The following DCC variants were observed in gnomAD, a reference collection of about 807,000 sequenced individuals.
DCC encodes DCC netrin 1 receptor.
Under a neutral mutation model 172.5 loss-of-function variants are expected in DCC, and 58 were observed. The ratio of observed to expected loss-of-function variants is 0.34; its 90% CI spans 0.27 to 0.42. The LOEUF (loss-of-function observed/expected upper bound fraction) is 0.42, where lower values mean the gene tolerates loss of function less well. Ranked by LOEUF, DCC falls within the 10% of genes least tolerant of loss-of-function variation. DCC has a pLI of 1.00. For missense variants in DCC, 1,740 were observed against 1,791.0 expected, an observed-to-expected ratio of 0.97 and a Z score of 0.51; for synonymous variants, 709 against 644.5, an observed-to-expected ratio of 1.10 and a Z score of -1.52.
At chr18:53,170,584 C>G (rs939416091) in intron 8 of DCC, among the ~76,000 whole-genome samples, 3 of 152,124 alleles carry the variant, frequency 2.0e-5, no homozygotes, top group African/African-American at 7.2e-5. Flanking sequence ...AGATTTATTT[C>G]TTATGAAGTT....
At chr18:52,699,721 G>A (rs1462759993) in intron 1 of DCC, among the ~76,000 whole-genome samples, 1 of 152,086 alleles carries the variant, frequency 6.6e-6, no homozygotes, top group Non-Finnish European at 1.5e-5. Flanking sequence ...TTTAACTTTT[G>A]TTACTTTGTA....
chr18:53,438,527 T>A (rs8095430), intron 22 of DCC, among the ~76,000 whole-genome samples: 129,680 of 152,228 alleles, frequency 0.85, 55,548 homozygotes, highest in Non-Finnish European at 0.88. Flanking sequence ...TATGCACCCC[T>A]AGGTATACAT....
intron 1 of DCC, among the ~76,000 whole-genome samples, chr18:52,415,965 A>C (rs976447589): frequency 1.3e-5 from 2 of 151,882 alleles, no homozygotes; most frequent in East Asian, 1.9e-4. Context: ...TTGTGATGTT[A>C]GGGTGTCAAT....
chr18:52,675,890 G>T (rs1054763760), intron 1 of DCC, among the ~76,000 whole-genome samples: 7 of 152,256 alleles, frequency 4.6e-5, no homozygotes, highest in African/African-American at 1.7e-4. Flanking sequence ...ACTAGAATAG[G>T]ATTCATTGGC....
At chr18:53,237,244 A>G (rs1035479587) in intron 12 of DCC, 3 of 154,168 alleles carry the variant, frequency 1.9e-5, no homozygotes, top group African/African-American at 7.2e-5. Flanking sequence ...ATAGAAGAAC[A>G]TTATGCTAAA....
intron 1 of DCC, among the ~76,000 whole-genome samples, chr18:52,631,050 G>C (rs1357470114): frequency 6.6e-6 from 1 of 152,154 alleles, no homozygotes; most frequent in African/African-American, 2.4e-5. Flanking sequence ...TAGCATCTTA[G>C]GTCATCAGCC....
At chr18:53,290,961 G>C (rs1277872826) in intron 12 of DCC, among the ~76,000 whole-genome samples, 2 of 152,128 alleles carry the variant, frequency 1.3e-5, no homozygotes, top group Non-Finnish European at 2.9e-5. Context: ...GAGGTCAGGA[G>C]TTCAAGAATA....
chr18:52,563,994 T>G (rs900089492), intron 1 of DCC, among the ~76,000 whole-genome samples: 1 of 152,150 alleles, frequency 6.6e-6, no homozygotes, highest in South Asian at 2.1e-4. Context: ...AATATAGCAT[T>G]CCTAATAGTA....
At chr18:52,622,295 T>C (rs1188296687) in intron 1 of DCC, among the ~76,000 whole-genome samples, 5 of 152,184 alleles carry the variant, frequency 3.3e-5, no homozygotes, top group Non-Finnish European at 7.4e-5. Context: ...CTAAGAGGCA[T>C]AGAAGTTTCT....
intron 5 of DCC, among the ~76,000 whole-genome samples, chr18:52,962,703 C>G (rs1370068799): frequency 6.6e-6 from 1 of 151,686 alleles, no homozygotes; most frequent in South Asian, 2.1e-4. Flanking sequence ...TTGGAACCAA[C>G]CCAAATGTCC....
At chr18:52,383,074 C>T (rs1440596304) in intron 1 of DCC, among the ~76,000 whole-genome samples, 2 of 152,088 alleles carry the variant, frequency 1.3e-5, no homozygotes, top group East Asian at 1.9e-4. Context: ...CCATTACACA[C>T]GATGCTAGGA....
At chr18:53,119,874 C>T (rs2043459153) in intron 7 of DCC, among the ~76,000 whole-genome samples, 1 of 151,842 alleles carries the variant, frequency 6.6e-6, no homozygotes. Flanking sequence ...CTATATTCTA[C>T]ACATCTTGGA....
intron 7 of DCC, among the ~76,000 whole-genome samples, chr18:53,127,764 C>A (rs1381485584): frequency 6.6e-6 from 1 of 152,142 alleles, no homozygotes; most frequent in Non-Finnish European, 1.5e-5. Context: ...CCAGAGTCAG[C>A]TCACAAGCTG....
chr18:53,106,916 C>T (rs2144236928), intron 7 of DCC, among the ~76,000 whole-genome samples: 1 of 151,940 alleles, frequency 6.6e-6, no homozygotes, highest in East Asian at 1.9e-4. Flanking sequence ...TACTGTTTTC[C>T]ACAAGAATCT....
chr18:52,363,455 G>T (rs1444459061), intron 1 of DCC, among the ~76,000 whole-genome samples: 1 of 152,096 alleles, frequency 6.6e-6, no homozygotes, highest in Non-Finnish European at 1.5e-5. Context: ...TCCCCTGAAA[G>T]ATTCACATTA....
chr18:52,410,403 G>A (rs1370452643), intron 1 of DCC, among the ~76,000 whole-genome samples: 1 of 152,124 alleles, frequency 6.6e-6, no homozygotes, highest in Non-Finnish European at 1.5e-5. Flanking sequence ...CTGCATTCCA[G>A]CTTGGGTTAT....
At chr18:53,124,408 A>C (rs1004811513) in intron 7 of DCC, among the ~76,000 whole-genome samples, 1 of 152,088 alleles carries the variant, frequency 6.6e-6, no homozygotes, top group Non-Finnish European at 1.5e-5. Flanking sequence ...CATAGTCAGC[A>C]ATTTCAGTTT....
intron 2 of DCC, among the ~76,000 whole-genome samples, chr18:52,898,490 A>G (rs2039763992): frequency 6.6e-6 from 1 of 152,142 alleles, no homozygotes; most frequent in South Asian, 2.1e-4. Context: ...GAATTAAATG[A>G]ATGAGAGTAC....
chr18:52,489,332 C>G (rs1219433300), intron 1 of DCC, among the ~76,000 whole-genome samples: 1 of 152,106 alleles, frequency 6.6e-6, no homozygotes, highest in African/African-American at 2.4e-5. Context: ...CATATTTTAA[C>G]CTGACCTCAG....
Sources: allele counts gnomAD v4.1 joint callset (sites outside exome capture counted in the v4.1 genomes callset), GRCh38; gene constraint gnomAD v4.1.1; transcripts MANE v1.5; gene names NCBI Gene and HGNC (gene_info 2026-07-23, HGNC 2026-07-21).